KCNH1: variants seen among roughly 807,000 people sequenced by gnomAD.
KCNH1 encodes voltage-gated delayed rectifier potassium channel KCNH1.
In KCNH1, 27 loss-of-function variants were observed where a neutral mutation model predicts 69.2. The observed-to-expected ratio is 0.39, with a 90% CI of 0.29 to 0.54. The LOEUF (loss-of-function observed/expected upper bound fraction) is 0.54, where lower values mean the gene tolerates loss of function less well. KCNH1 is among the 20% of genes least tolerant of loss of function. The pLI is 0.68. For synonymous variants in KCNH1, 456 were observed against 487.7 expected (o/e 0.93, Z 0.86); for missense variants, 798 against 1,261.6 (o/e 0.63, Z 5.57).
intron 10 of KCNH1, among the ~76,000 whole-genome samples, chr1:210,688,554 C>T (rs1259798062): frequency 6.6e-6 from 1 of 152,200 alleles, no homozygotes; most frequent in Non-Finnish European, 1.5e-5. Context: ...CTCTATGCAC[C>T]ACACATAGGC....
At chr1:211,113,974 T>TCTCACA (rs1491436535) in intron 1 of KCNH1, among the ~76,000 whole-genome samples, 244 of 142,478 alleles carry the variant, frequency 1.7e-3, no homozygotes, top group African/African-American at 5.2e-3. Context: ...TCTCTCTCTC[T>TCTCACA]CACACACACA....
intron 6 of KCNH1, among the ~76,000 whole-genome samples, chr1:210,948,708 C>T (rs1322693045): frequency 6.6e-6 from 1 of 151,908 alleles, no homozygotes; most frequent in Non-Finnish European, 1.5e-5. Context: ...TGGTGGGCAC[C>T]TGTAGTCCCA....
chr1:210,731,190 T>A (rs73067483), intron 10 of KCNH1, among the ~76,000 whole-genome samples: 186 of 152,324 alleles, frequency 1.2e-3, no homozygotes, highest in African/African-American at 4.4e-3. Flanking sequence ...CCCATCACCT[T>A]CCCTAACTTC....
Position 210,951,391 on chromosome 1 carries a change from G to A in KCNH1, c.1033-31322C>T, listed in dbSNP as rs116113048. Among the ~76,000 whole-genome samples, 853 of 152,310 alleles carry A rather than the reference G, an allele frequency of 5.6e-3. 11 individuals are homozygous for A. Among genetic ancestry groups the A allele is most frequent in the African/African-American group, 0.019 (810 of 41,560 alleles). ...TACTTATGCTAATATATGTCAAGGAGAACGTTCTTGATGCTTTAGGAGCAT... is the reference window on the plus strand; with the variant it reads ...TACTTATGCTAATATATGTCAAGGAAAACGTTCTTGATGCTTTAGGAGCAT... On this transcript the variant is annotated intron_variant, in intron 6 of 10. Coordinates refer to ENST00000271751, the MANE Select transcript of KCNH1 (RefSeq NM_172362.3).
At chr1:211,123,722 A>T (rs1486967305) in intron 1 of KCNH1, among the ~76,000 whole-genome samples, 2 of 152,176 alleles carry the variant, frequency 1.3e-5, no homozygotes, top group East Asian at 3.9e-4. Flanking sequence ...CAGAGTACAA[A>T]AGCATGAGCC....
chr1:211,056,802 C>G (rs1043896260), intron 5 of KCNH1, among the ~76,000 whole-genome samples: 1 of 152,212 alleles, frequency 6.6e-6, no homozygotes, highest in African/African-American at 2.4e-5. Flanking sequence ...CAAGGTGGTA[C>G]CTCTACGAGT....
chr1:210,940,692 C>G (rs1048209293), intron 6 of KCNH1, among the ~76,000 whole-genome samples: 15 of 152,250 alleles, frequency 9.9e-5, no homozygotes, highest in African/African-American at 3.6e-4. Flanking sequence ...CTTCTAGAGG[C>G]CTGAAAACTG....
At chr1:210,888,243 G>T (rs1686662470) in intron 7 of KCNH1, among the ~76,000 whole-genome samples, 1 of 152,066 alleles carries the variant, frequency 6.6e-6, no homozygotes, top group African/African-American at 2.4e-5. Context: ...TAGAACTCAG[G>T]ATTAAGAAAC....
chr1:211,059,369 T>C (rs1690379938), intron 5 of KCNH1, among the ~76,000 whole-genome samples: 1 of 151,698 alleles, frequency 6.6e-6, no homozygotes. Flanking sequence ...CCAGAGGATA[T>C]AACAATTGTA....
chr1:210,916,835 C>T (rs959503572), intron 7 of KCNH1, among the ~76,000 whole-genome samples: 5 of 151,938 alleles, frequency 3.3e-5, no homozygotes, highest in Non-Finnish European at 7.4e-5. Flanking sequence ...AGTGACTACC[C>T]GTGTATTTTA....
chr1:210,853,953 A>AAAACAAAAAC (rs1685769047), intron 7 of KCNH1, among the ~76,000 whole-genome samples: 1 of 141,110 alleles, frequency 7.1e-6, no homozygotes, highest in Non-Finnish European at 1.5e-5. Context: ...AGCCAAAAAA[A>AAAACAAAAAC]AAAAAAAAAA....
chr1:210,953,455 G>T lies in KCNH1; in HGVS notation c.1033-33386C>A, dbSNP rs147708164. On this transcript the variant is annotated intron_variant, in intron 6 of 10. Coordinates refer to ENST00000271751, the MANE Select transcript of KCNH1 (RefSeq NM_172362.3). ...TGACAATTATCTTTCTCAAAATTTTGTCTTACCCTGGCTTCTGTGAAAACT... is the reference window on the plus strand; with the variant it reads ...TGACAATTATCTTTCTCAAAATTTTTTCTTACCCTGGCTTCTGTGAAAACT... Among the ~76,000 whole-genome samples the T allele has an allele frequency of 8.5e-4, 130 of 152,232 alleles. 1 individual carries two copies. Among genetic ancestry groups the T allele is most frequent in the Admixed American group, 2.2e-3 (33 of 15,278 alleles).
chr1:210,927,209 G>A (rs1326296734), intron 6 of KCNH1, among the ~76,000 whole-genome samples: 12 of 152,172 alleles, frequency 7.9e-5, no homozygotes, highest in Admixed American at 6.5e-4. Flanking sequence ...AATAAAAGAA[G>A]CTCAAAAAAC....
At chr1:210,939,757 C>A (rs114071583) in intron 6 of KCNH1, among the ~76,000 whole-genome samples, 1,581 of 152,290 alleles carry the variant, frequency 0.01, 30 homozygotes, top group African/African-American at 0.036. Context: ...TAGAAAGTAG[C>A]ACAGCTAGAA....
intron 10 of KCNH1, among the ~76,000 whole-genome samples, chr1:210,747,982 A>T (rs1301326968): frequency 6.6e-6 from 1 of 152,244 alleles, no homozygotes; most frequent in African/African-American, 2.4e-5. Context: ...AGAAAAAGAC[A>T]GTCAGTACAT....
chr1:210,955,768 AC>A (rs1409744064), intron 6 of KCNH1, among the ~76,000 whole-genome samples: 2 of 152,160 alleles, frequency 1.3e-5, no homozygotes, highest in Non-Finnish European at 2.9e-5. Context: ...ATGAGACTTC[AC>A]TGAAGTTGCT....
intron 7 of KCNH1, among the ~76,000 whole-genome samples, chr1:210,893,255 G>A (rs1406622441): frequency 6.6e-6 from 1 of 151,980 alleles, no homozygotes; most frequent in African/African-American, 2.4e-5. Context: ...CTTAAATTTT[G>A]GTTTTGAAAG....
chr1:210,847,902 G>C (rs1304061358), intron 7 of KCNH1, among the ~76,000 whole-genome samples: 2 of 152,072 alleles, frequency 1.3e-5, no homozygotes, highest in African/African-American at 4.8e-5. Flanking sequence ...CATTCCCCTA[G>C]CTCTAAGTGT....
At chr1:211,039,925 C>A (rs1367594133) in intron 5 of KCNH1, among the ~76,000 whole-genome samples, 1 of 152,120 alleles carries the variant, frequency 6.6e-6, no homozygotes, top group Admixed American at 6.5e-5. Context: ...TGCGGTGGCT[C>A]ACGCCTGTAA....
Sources: gnomAD v4.1 joint callset for allele counts (sites outside exome capture counted in the v4.1 genomes callset) on GRCh38, gnomAD v4.1.1 for gene constraint, MANE v1.5 for transcripts, NCBI Gene and HGNC (gene_info 2026-07-23, HGNC 2026-07-21) for gene names.